Variants in GALNT13 observed in about 807,000 individuals in gnomAD.
The protein encoded by GALNT13 is polypeptide N-acetylgalactosaminyltransferase 13.
Under a neutral mutation model 64.2 loss-of-function variants are expected in GALNT13, and 28 were observed. The observed-to-expected ratio is 0.44, with a 90% CI of 0.32 to 0.60. The LOEUF is 0.60. GALNT13 is among the 20% of genes least tolerant of loss of function. The pLI is 0.05. For synonymous variants in GALNT13, 214 were observed against 224.6 expected, an observed-to-expected ratio of 0.95 and a Z score of 0.42; for missense variants, 577 against 669.8, an observed-to-expected ratio of 0.86 and a Z score of 1.53.
At chr2:153,875,655 T>C (rs1048538315) in intron 1 of GALNT13, among the ~76,000 whole-genome samples, 1 of 152,190 alleles carries the variant, frequency 6.6e-6, no homozygotes, top group African/African-American at 2.4e-5. Context: ...AACAAATGGG[T>C]ATTTTTATTC....
At chr2:153,409,219 A>G in the GALNT13 span, among the ~76,000 whole-genome samples, 2 of 151,172 alleles carry the variant, frequency 1.3e-5, no homozygotes, top group South Asian at 4.2e-4. Flanking sequence ...ACAGCCTATC[A>G]TGGGACGTCA....
the GALNT13 span, among the ~76,000 whole-genome samples, chr2:153,524,321 CTT>C: frequency 2.1e-3 from 286 of 134,972 alleles, no homozygotes; most frequent in African/African-American, 4.3e-3. Flanking sequence ...TATTCCTTCT[CTT>C]TTTTTTTTTT....
the GALNT13 span, among the ~76,000 whole-genome samples, chr2:153,280,940 T>C: frequency 0.13 from 20,055 of 152,202 alleles, 1,649 homozygotes; most frequent in Non-Finnish European, 0.18. Flanking sequence ...TCTGGATGAC[T>C]GGCGCAATGC....
intron 4 of GALNT13, among the ~76,000 whole-genome samples, chr2:154,193,208 ATAAT>A (rs1035995654): frequency 3.6e-4 from 55 of 152,230 alleles, no homozygotes; most frequent in African/African-American, 1.2e-3. Context: ...TATTTCATAA[ATAAT>A]TTATAATTGT....
chr2:154,104,224 G>C (rs1413821666), intron 3 of GALNT13, among the ~76,000 whole-genome samples: 6 of 150,734 alleles, frequency 4.0e-5, no homozygotes, highest in Non-Finnish European at 5.9e-5. Flanking sequence ...GTGGGGAGGG[G>C]TGTGGCGGGG....
chr2:153,720,899 C>G, the GALNT13 span, among the ~76,000 whole-genome samples: 4 of 151,546 alleles, frequency 2.6e-5, no homozygotes, highest in Non-Finnish European at 5.9e-5. Context: ...AGGATATTAT[C>G]CAGGAGAACT....
chr2:153,076,044 C>T, the GALNT13 span, among the ~76,000 whole-genome samples: 1 of 151,966 alleles, frequency 6.6e-6, no homozygotes, highest in Non-Finnish European at 1.5e-5. Context: ...TACTTTTTTG[C>T]TGTTATTAAC....
At chr2:153,907,358 A>G (rs909934795) in intron 2 of GALNT13, among the ~76,000 whole-genome samples, 6 of 151,844 alleles carry the variant, frequency 4.0e-5, no homozygotes, top group African/African-American at 1.4e-4. Flanking sequence ...TGTATCATAT[A>G]CATATAATTA....
At chr2:153,549,015 C>T in the GALNT13 span, among the ~76,000 whole-genome samples, 3 of 152,222 alleles carry the variant, frequency 2.0e-5, no homozygotes, top group African/African-American at 7.2e-5. Context: ...ACACAAGAGG[C>T]TACATAGTAT....
intron 9 of GALNT13, among the ~76,000 whole-genome samples, chr2:154,318,158 T>C (rs1310095822): frequency 2.0e-5 from 3 of 152,138 alleles, no homozygotes; most frequent in Non-Finnish European, 4.4e-5. Flanking sequence ...CATTTTCTTA[T>C]TAATTTGTGT....
At chr2:153,414,233 G>C in the GALNT13 span, among the ~76,000 whole-genome samples, 1 of 151,922 alleles carries the variant, frequency 6.6e-6, no homozygotes, top group African/African-American at 2.4e-5. Flanking sequence ...AAACTAGCTG[G>C]AAGTAGTGGC....
intron 3 of GALNT13, among the ~76,000 whole-genome samples, chr2:154,009,364 T>C (rs936981867): frequency 6.6e-6 from 1 of 152,160 alleles, no homozygotes; most frequent in African/African-American, 2.4e-5. Flanking sequence ...TTGCTTAGGA[T>C]AGCTTTGGCA....
chr2:153,918,559 T>G (rs1440767376), intron 2 of GALNT13, among the ~76,000 whole-genome samples: 1 of 152,144 alleles, frequency 6.6e-6, no homozygotes, highest in Non-Finnish European at 1.5e-5. Context: ...AATTTTGAGA[T>G]TCCTACTAAC....
At chr2:154,428,840 G>A (rs1460933070) in intron 11 of GALNT13, among the ~76,000 whole-genome samples, 1 of 151,090 alleles carries the variant, frequency 6.6e-6, no homozygotes, top group Non-Finnish European at 1.5e-5. Context: ...GGAGTGCAGT[G>A]GCGCGATCTC....
chr2:153,540,149 C>T, the GALNT13 span, among the ~76,000 whole-genome samples: 1 of 152,168 alleles, frequency 6.6e-6, no homozygotes, highest in African/African-American at 2.4e-5. Flanking sequence ...TGGTCCAGGG[C>T]CCCCCTGCTG....
intron 8 of GALNT13, among the ~76,000 whole-genome samples, chr2:154,296,717 A>T (rs970491873): frequency 6.6e-6 from 1 of 152,364 alleles, no homozygotes; most frequent in South Asian, 2.1e-4. Flanking sequence ...GGGTTCTCTT[A>T]GAGAAAATAA....
At chr2:153,550,982 G>A in the GALNT13 span, among the ~76,000 whole-genome samples, 1 of 152,142 alleles carries the variant, frequency 6.6e-6, no homozygotes, top group Non-Finnish European at 1.5e-5. Context: ...ATTAAGCTGA[G>A]GGTGGCTAGA....
At chr2:153,372,460 A>C in the GALNT13 span, among the ~76,000 whole-genome samples, 1 of 152,148 alleles carries the variant, frequency 6.6e-6, no homozygotes, top group African/African-American at 2.4e-5. Flanking sequence ...ATCCTGGCTA[A>C]CATGGTGAAA....
At chr2:154,224,704 T>C (rs1437689709) in intron 4 of GALNT13, among the ~76,000 whole-genome samples, 1 of 152,106 alleles carries the variant, frequency 6.6e-6, no homozygotes, top group South Asian at 2.1e-4. Flanking sequence ...AACTGGTTTA[T>C]CATTTGATAA....
Sources: gnomAD v4.1 joint callset for allele counts (sites outside exome capture counted in the v4.1 genomes callset) on GRCh38, gnomAD v4.1.1 for gene constraint, MANE v1.5 for transcripts, NCBI Gene and HGNC (gene_info 2026-07-23, HGNC 2026-07-21) for gene names.